Variants in GSE1 observed in about 807,000 individuals in gnomAD.
The protein encoded by GSE1 is genetic suppressor element 1.
A neutral mutation model predicts 112.6 loss-of-function variants in GSE1; 32 were observed. The ratio of observed to expected loss-of-function variants is 0.28; its 90% CI spans 0.21 to 0.38. The LOEUF is 0.38. Ranked by LOEUF, GSE1 falls within the 10% of genes least tolerant of loss-of-function variation. The pLI is 1.00. For synonymous variants in GSE1, 1,115 were observed against 735.6 expected (o/e 1.52, Z -8.35); for missense variants, 2,348 against 1,699.2 (o/e 1.38, Z -6.71).
chr16:85,454,647 T>C (rs1476962952), intron 2 of GSE1, among the ~76,000 whole-genome samples: 5 of 152,194 alleles, frequency 3.3e-5, no homozygotes, highest in Admixed American at 1.3e-4. Context: ...ACGCGTTCCT[T>C]GTGGAGGCCC....
chr16:85,411,117 C>CCT (rs1159762459), intron 2 of GSE1, among the ~76,000 whole-genome samples: 6 of 119,898 alleles, frequency 5.0e-5, no homozygotes, highest in Admixed American at 1.8e-4. Context: ...TCAGGCCCCC[C>CCT]GGATAATCCT....
intron 2 of GSE1, among the ~76,000 whole-genome samples, chr16:85,430,072 G>T (rs78231191): frequency 0.018 from 2,676 of 152,306 alleles, 66 homozygotes; most frequent in African/African-American, 0.061. Flanking sequence ...ATCCATCGGG[G>T]GTTCAGTCGG....
intron 1 of GSE1, among the ~76,000 whole-genome samples, chr16:85,286,652 C>T (rs1056366902): frequency 3.3e-5 from 5 of 151,576 alleles, no homozygotes; most frequent in African/African-American, 1.2e-4. Flanking sequence ...TTTGGCGCTG[C>T]GGTTTACGCA....
intron 2 of GSE1, among the ~76,000 whole-genome samples, chr16:85,386,203 G>C (rs8051907): frequency 6.6e-6 from 1 of 151,994 alleles, no homozygotes; most frequent in East Asian, 1.9e-4. Flanking sequence ...GCTCAGCATT[G>C]TGGCCAGCAG....
chr16:85,323,275 C>G (rs1429643505), intron 1 of GSE1, among the ~76,000 whole-genome samples: 11 of 152,146 alleles, frequency 7.2e-5, no homozygotes, highest in African/African-American at 2.7e-4. Context: ...AGTGCCAAAG[C>G]CTTGACATTT....
At chr16:85,517,954 C>G (rs2052008906) in intron 2 of GSE1, among the ~76,000 whole-genome samples, 1 of 152,264 alleles carries the variant, frequency 6.6e-6, no homozygotes, top group Non-Finnish European at 1.5e-5. Context: ...CAAGGTTTAT[C>G]TCTGCTCACA....
chr16:85,462,875 C>T (rs567791269), intron 2 of GSE1, among the ~76,000 whole-genome samples: 96 of 149,028 alleles, frequency 6.4e-4, no homozygotes, highest in Middle Eastern at 3.5e-3. Context: ...CCGGGCTCCA[C>T]GCCGCGGGCA....
At chr16:85,221,131 C>T (rs1455595091) in intron 1 of GSE1, among the ~76,000 whole-genome samples, 1 of 151,990 alleles carries the variant, frequency 6.6e-6, no homozygotes, top group African/African-American at 2.4e-5. Flanking sequence ...GCGGTGCAGC[C>T]CCCGCCCAGA....
At chr16:85,412,996 G>T (rs2048616313) in intron 2 of GSE1, among the ~76,000 whole-genome samples, 1 of 152,210 alleles carries the variant, frequency 6.6e-6, no homozygotes, top group Non-Finnish European at 1.5e-5. Flanking sequence ...TTATAATGCT[G>T]AGCCTTTATC....
chr16:85,646,981 C>T (rs1045496041), intron 2 of GSE1, among the ~76,000 whole-genome samples: 7 of 152,170 alleles, frequency 4.6e-5, no homozygotes, highest in Admixed American at 2.6e-4. Flanking sequence ...CACCCCCTAC[C>T]CCTGCCACCA....
intron 1 of GSE1, among the ~76,000 whole-genome samples, chr16:85,318,743 C>T (rs2046037270): frequency 6.6e-6 from 1 of 152,206 alleles, no homozygotes; most frequent in Non-Finnish European, 1.5e-5. Flanking sequence ...TCCAGAGCAG[C>T]CTCCAGTGAG....
At chr16:85,394,482 G>A (rs1415612591) in intron 2 of GSE1, among the ~76,000 whole-genome samples, 4 of 152,176 alleles carry the variant, frequency 2.6e-5, no homozygotes. Flanking sequence ...TGATTTGGGT[G>A]GTTCCTCGGA....
chr16:85,572,296 AACAC>A (rs932804094), intron 1 of GSE1, among the ~76,000 whole-genome samples: 1 of 140,922 alleles, frequency 7.1e-6, no homozygotes, highest in Non-Finnish European at 1.5e-5. Flanking sequence ...CCCCACACAC[AACAC>A]ACACCACATA....
intron 1 of GSE1, among the ~76,000 whole-genome samples, chr16:85,231,435 GATGA>G (rs1467933237): frequency 1.6e-4 from 23 of 145,530 alleles, no homozygotes; most frequent in Admixed American, 2.8e-4. Context: ...TGGATGGACA[GATGA>G]ATGGATGGAT....
intron 1 of GSE1, among the ~76,000 whole-genome samples, chr16:85,206,860 C>G (rs893201495): frequency 1.2e-4 from 18 of 151,932 alleles, no homozygotes; most frequent in African/African-American, 4.4e-4. Context: ...ACAAGCCCCC[C>G]CAGCCCTCCT....
At chr16:85,539,032 C>A (rs943846249) in intron 2 of GSE1, among the ~76,000 whole-genome samples, 3 of 152,216 alleles carry the variant, frequency 2.0e-5, no homozygotes, top group African/African-American at 7.2e-5. Context: ...TGCCCCTGCA[C>A]AGTGCCAGCC....
At chr16:85,259,478 C>T (rs565548719) in intron 1 of GSE1, among the ~76,000 whole-genome samples, 1 of 152,372 alleles carries the variant, frequency 6.6e-6, no homozygotes, top group South Asian at 2.1e-4. Context: ...TCACAGCTGT[C>T]CTGCGGGGTG....
intron 1 of GSE1, chr16:85,594,725 A>T (rs1567627088): frequency 6.6e-6 from 1 of 152,262 alleles, no homozygotes; most frequent in Non-Finnish European, 1.5e-5. Flanking sequence ...TGGGCCTATT[A>T]GGAGGATCAA....
intron 14 of GSE1, among the ~76,000 whole-genome samples, chr16:85,668,657 G>C (rs961039682): frequency 6.6e-6 from 1 of 152,206 alleles, no homozygotes; most frequent in Non-Finnish European, 1.5e-5. Context: ...GCCAGCTCTG[G>C]TGGCACCTGT....
Sources: gnomAD v4.1 joint callset for allele counts (sites outside exome capture counted in the v4.1 genomes callset) on GRCh38, gnomAD v4.1.1 for gene constraint, MANE v1.5 for transcripts, NCBI Gene and HGNC (gene_info 2026-07-23, HGNC 2026-07-21) for gene names.